PDS5B: variants seen among roughly 807,000 people sequenced by gnomAD.
PDS5B encodes sister chromatid cohesion protein PDS5 homolog B.
PDS5B carries 51 observed loss-of-function variants against 184.1 expected under a neutral mutation model. That is an observed-to-expected ratio of 0.28 (90% CI 0.22 to 0.35). The LOEUF (loss-of-function observed/expected upper bound fraction) is 0.35, where lower values mean the gene tolerates loss of function less well. PDS5B is among the 10% of genes least tolerant of loss of function. The probability of loss-of-function intolerance (pLI) is 1.00; values close to 1 mark genes in which losing one functional copy is unlikely to be tolerated. For synonymous variants in PDS5B, 566 were observed against 569.2 expected, an observed-to-expected ratio of 0.99 and a Z score of 0.08; for missense variants, 1,180 against 1,723.3, an observed-to-expected ratio of 0.68 and a Z score of 5.58.
chr13:32,765,171 G>T (rs1954544219), intron 31 of PDS5B, among the ~76,000 whole-genome samples: 1 of 152,164 alleles, frequency 6.6e-6, no homozygotes, highest in Non-Finnish European at 1.5e-5. Context: ...ATACAGTTAT[G>T]TCTTCTAACA....
At chr13:32,596,913 A>T (rs1025297477) in intron 1 of PDS5B, among the ~76,000 whole-genome samples, 1 of 151,858 alleles carries the variant, frequency 6.6e-6, no homozygotes, top group African/African-American at 2.4e-5. Context: ...TATTAAGAGT[A>T]TTTTCTCCTG....
At chr13:32,748,995 C>T (rs1242158913) in intron 24 of PDS5B, among the ~76,000 whole-genome samples, 1 of 151,862 alleles carries the variant, frequency 6.6e-6, no homozygotes, top group Non-Finnish European at 1.5e-5. Flanking sequence ...TGGTAAATTT[C>T]CCTAATTACA....
chr13:32,611,503 CTTTTTTTTTT>C (rs35825698), intron 1 of PDS5B, among the ~76,000 whole-genome samples: 4 of 110,918 alleles, frequency 3.6e-5, no homozygotes, highest in East Asian at 2.5e-4. Context: ...TTGGTTAAAA[CTTTTTTTTTT>C]TTTTTTTTTT....
chr13:32,731,876 T>C (rs1007805309), intron 19 of PDS5B, among the ~76,000 whole-genome samples: 7 of 152,136 alleles, frequency 4.6e-5, no homozygotes, highest in African/African-American at 1.7e-4. Flanking sequence ...GTGTTTGCTA[T>C]TGGTGAATAA....
intron 1 of PDS5B, among the ~76,000 whole-genome samples, chr13:32,648,349 A>G (rs1374457651): frequency 6.6e-6 from 1 of 152,122 alleles, no homozygotes; most frequent in African/African-American, 2.4e-5. Context: ...AGAAATGAAA[A>G]ATGCTTTCAG....
intron 19 of PDS5B, among the ~76,000 whole-genome samples, chr13:32,715,931 G>T (rs1333492380): frequency 1.7e-4 from 26 of 152,280 alleles, no homozygotes; most frequent in Admixed American, 1.4e-3. Flanking sequence ...GAGGTGCCGG[G>T]ATTGCAGACA....
At chr13:32,701,147 C>G in intron 16 of PDS5B, 176 bp from the exon 17 acceptor site, 1 of 488,318 alleles carries the variant, frequency 2.0e-6, no homozygotes, top group Non-Finnish European at 3.7e-6. Context: ...GAAATATTAC[C>G]TTTTTCATAT....
intron 24 of PDS5B, among the ~76,000 whole-genome samples, chr13:32,747,760 A>G (rs917154836): frequency 6.6e-6 from 1 of 152,226 alleles, no homozygotes; most frequent in East Asian, 1.9e-4. Context: ...GAAGACCTGC[A>G]GTCTGTTTGT....
At chr13:32,587,296 G>C (rs1324097454) in intron 1 of PDS5B, among the ~76,000 whole-genome samples, 1 of 152,008 alleles carries the variant, frequency 6.6e-6, no homozygotes, top group Non-Finnish European at 1.5e-5. Flanking sequence ...GCGCCACCCC[G>C]AGTGGTCCCC....
At chr13:32,633,571 A>G (rs2058492081) in intron 1 of PDS5B, among the ~76,000 whole-genome samples, 1 of 152,134 alleles carries the variant, frequency 6.6e-6, no homozygotes, top group Non-Finnish European at 1.5e-5. Flanking sequence ...GTCCCTCAAA[A>G]CTAATGTCTT....
At position 32,699,782 on chromosome 13, in the gene PDS5B, G is replaced by A; in HGVS notation, c.1653G>A (p.Gln551=). The A allele has an allele frequency of 6.3e-7, 1 of 1,576,754 alleles. No individual in the cohort carries two copies. The highest frequency in any genetic ancestry group is 2.4e-5 in the East Asian group (1 of 42,238). The change falls in exon 16 of 35, where the codon CAG becomes CAA. Residue 551 remains glutamine, a synonymous_variant. Coordinates refer to ENST00000315596, the MANE Select transcript of PDS5B (RefSeq NM_015032.4). ...AGGATTTCATGAAGAAATTCACACA[G>A]GTGTTAGAAGATGATGAGAAAATAA... is the stretch of plus-strand genomic sequence containing the variant. The part of the protein sequence containing the change: ...KAQDFMKKFT[Q]VLEDDEKIRK...
Position 32,643,504 on chromosome 13 carries a change from C to T in PDS5B, c.-19-5250C>T, listed in dbSNP as rs114266052. On this transcript the variant is annotated intron_variant, in intron 1 of 34. Transcript: ENST00000315596. The stretch of plus-strand genomic sequence containing the variant: ...TATTCTCTCTGCTCTTTCCTGTTAT[C>T]GCTACCACTTTTTTTCATATACAGT... Among the ~76,000 whole-genome samples, 592 of 152,240 alleles carry T rather than the reference C, an allele frequency of 3.9e-3. 5 individuals carry two copies. Among genetic ancestry groups the T allele is most frequent in the African/African-American group, 0.013 (559 of 41,570 alleles).
Position 32,710,073 on chromosome 13 carries a change from G to T in PDS5B, c.2090G>T (p.Ser697Ile). 6.5e-7 allele frequency: 1 copy of T among 1,530,742 alleles called. No homozygotes were observed. The allele number at this position is 1,530,742 out of a possible 1,614,324, so 94.8% of individuals were successfully genotyped here. Residue 697 changes from serine to isoleucine, a missense_variant, in exon 19 of 35, where the codon AGC (serine) becomes ATC (isoleucine). By Grantham distance (142) the Ser-to-Ile change is moderately radical. Around this residue, in one of 11 missense-constraint regions of PDS5B, gnomAD observed 475 missense variants for 691.5 expected, o/e 0.69. Transcript: ENST00000315596. ...AALQIFKNTG[S>I]KIEEDFPHIR... is the part of the protein sequence containing the mutation. ...CTACAAATTTTCAAAAACACAGGAA[G>T]CAAAATTGAAGAGGATTTTCCACAC...
At chr13:32,735,823 T>C (rs959844496) in intron 21 of PDS5B, among the ~76,000 whole-genome samples, 3 of 152,148 alleles carry the variant, frequency 2.0e-5, no homozygotes, top group Non-Finnish European at 4.4e-5. Flanking sequence ...CTCTGGAGAA[T>C]TAAAAGAAAC....
intron 7 of PDS5B, among the ~76,000 whole-genome samples, chr13:32,669,497 A>G (rs546998414): frequency 1.3e-5 from 2 of 152,290 alleles, no homozygotes; most frequent in African/African-American, 4.8e-5. Context: ...GTTCTCTCAA[A>G]TTTTGTATGT....
intron 1 of PDS5B, among the ~76,000 whole-genome samples, chr13:32,610,691 G>A (rs1243224524): frequency 6.6e-6 from 1 of 151,108 alleles, no homozygotes; most frequent in Non-Finnish European, 1.5e-5. Context: ...TGTGGACTCT[G>A]GAACTTCACT....
chr13:32,769,739 A>T (rs1456363295), intron 31 of PDS5B, among the ~76,000 whole-genome samples: 1 of 152,200 alleles, frequency 6.6e-6, no homozygotes, highest in Admixed American at 6.5e-5. Context: ...GTAAAATTAG[A>T]ATTACTTAAA....
At position 32,736,221 on chromosome 13, in the gene PDS5B, A is replaced by G. The variant is rs77571389; in HGVS notation, c.2406+891A>G. Among the ~76,000 whole-genome samples, 589 of 152,052 alleles carry G rather than the reference A, an allele frequency of 3.9e-3. 5 individuals are homozygous for G. Among genetic ancestry groups the G allele is most frequent in the African/African-American group, 0.013 (558 of 41,492 alleles). ...TTAATGTTTATTTAGATTTGCCAAC[A>G]TATTTTCTCCTTTTGTTTTTCATTC... On this transcript the variant is annotated intron_variant, in intron 21 of 34. Coordinates refer to ENST00000315596, the MANE Select transcript of PDS5B (RefSeq NM_015032.4).
intron 3 of PDS5B, chr13:32,652,248 G>T: frequency 5.7e-6 from 2 of 349,044 alleles, no homozygotes; most frequent in East Asian, 4.9e-5. Flanking sequence ...GTCATCATTA[G>T]CTCTGTTTCT....
Sources: gnomAD v4.1 joint callset for allele counts (sites outside exome capture counted in the v4.1 genomes callset) on GRCh38, gnomAD v4.1.1 for gene constraint, gnomAD v4.1.1 regional missense constraint, MANE v1.5 for transcripts, NCBI Gene and HGNC (gene_info 2026-07-23, HGNC 2026-07-21) for gene names.